Variants in PPP4R3A observed in about 807,000 individuals in gnomAD.
PPP4R3A encodes the protein protein phosphatase 4 regulatory subunit 3A.
In PPP4R3A, 15 loss-of-function variants were observed where a neutral mutation model predicts 91.7. That is an observed-to-expected ratio of 0.16 (90% CI 0.11 to 0.25). PPP4R3A has a LOEUF of 0.25. Ranked by LOEUF, PPP4R3A falls within the 10% of genes least tolerant of loss-of-function variation. PPP4R3A has a pLI of 1.00. For missense variants in PPP4R3A, 623 were observed against 998.4 expected, an observed-to-expected ratio of 0.62 and a Z score of 5.07; for synonymous variants, 377 against 348.7, an observed-to-expected ratio of 1.08 and a Z score of -0.91.
At chr14:91,490,863 T>A in intron 1 of PPP4R3A, 61 bp from the exon 2 acceptor site, 1 of 913,806 alleles carries the variant, frequency 1.1e-6, no homozygotes, top group Non-Finnish European at 1.7e-6. Flanking sequence ...TATATTCCCT[T>A]ACATACACAC....
At chr14:91,462,412 G>A (rs111638456) in intron 12 of PPP4R3A, among the ~76,000 whole-genome samples, 173 bp from the exon 13 acceptor site, 13 of 151,854 alleles carry the variant, frequency 8.6e-5, no homozygotes, top group Admixed American at 3.3e-4. Context: ...ATAATAATTT[G>A]TAACCTTAGT....
At chr14:91,468,218 T>C (rs1403693175) in intron 10 of PPP4R3A, among the ~76,000 whole-genome samples, 2 of 152,194 alleles carry the variant, frequency 1.3e-5, no homozygotes, top group Non-Finnish European at 2.9e-5. Context: ...CATACTTAGT[T>C]TCCAACAATA....
intron 1 of PPP4R3A, among the ~76,000 whole-genome samples, chr14:91,493,935 T>C (rs1890385502): frequency 6.6e-6 from 1 of 150,386 alleles, no homozygotes; most frequent in South Asian, 2.1e-4. Flanking sequence ...TGGCTAATTT[T>C]GTATTTTTAG....
At position 91,488,158 on chromosome 14, in the gene PPP4R3A, T is replaced by C. The variant is rs142014955; in HGVS notation, c.199-2428A>G. On this transcript the variant is annotated intron_variant, in intron 2 of 14. Transcript: ENST00000554943. ...GCACTATGATCACACCTGTGAATAA[T>C]AGCCACTGTACTCCAGCCTGAGCAA... 2.0e-3 allele frequency among the ~76,000 whole-genome samples: 306 copies of C among 150,908 alleles called. 1 individual carries two copies. The highest frequency in any genetic ancestry group is 3.4e-3 in the Middle Eastern group (1 of 294).
At chr14:91,459,251 G>A (rs1335180330) in intron 14 of PPP4R3A, among the ~76,000 whole-genome samples, 1 of 151,856 alleles carries the variant, frequency 6.6e-6, no homozygotes, top group African/African-American at 2.4e-5. Flanking sequence ...GATTACAGGC[G>A]CCCGCCACCA....
At position 91,457,672 on chromosome 14, in the gene PPP4R3A, T is replaced by A. The variant is rs1264363594; in HGVS notation, c.*1087A>T. ...AAGTCAAATGTTTTTAAATCATCCA[T>A]CCTCAATTTTGATTTAATGTACCGT... On this transcript the variant is annotated 3_prime_UTR_variant, in exon 15 of 15. Coordinates refer to ENST00000554943, the MANE Select transcript of PPP4R3A (RefSeq NM_001366432.2). The A allele has an allele frequency of 2.6e-5, 4 of 152,614 alleles. No individual in the cohort carries two copies. Among genetic ancestry groups the A allele is most frequent in the African/African-American group, 4.8e-5 (2 of 41,456 alleles). The allele number at this position is 152,614 out of a possible 1,614,324, so 9.5% of individuals were successfully genotyped here.
At chr14:91,479,838 A>T (rs1889443880) in intron 4 of PPP4R3A, among the ~76,000 whole-genome samples, 1 of 152,204 alleles carries the variant, frequency 6.6e-6, no homozygotes, top group Non-Finnish European at 1.5e-5. Flanking sequence ...TACCGCATCC[A>T]GCCCCAGGCT....
intron 11 of PPP4R3A, among the ~76,000 whole-genome samples, chr14:91,464,264 T>C (rs1888340690): frequency 6.6e-6 from 1 of 151,968 alleles, no homozygotes. Flanking sequence ...GAAGGCGCAG[T>C]GAGTCGAGAT....
chr14:91,476,504 A>C lies in PPP4R3A; in HGVS notation c.1014T>G (p.Phe338Leu). 2.5e-6 allele frequency: 4 copies of C among 1,593,432 alleles called. No homozygotes were observed. The highest frequency in any genetic ancestry group is 3.4e-6 in the Non-Finnish European group (4 of 1,173,946). The change falls in exon 6 of 15, where the codon TTT becomes TTG. Residue 338 changes from phenylalanine to leucine, a missense_variant. By Grantham distance (22) the Phe-to-Leu change is conservative. Transcript: ENST00000554943. ...RQELVNFLKEFCAFSQTLQPQ... is the reference protein window; with the variant it reads ...RQELVNFLKELCAFSQTLQPQ... ...GCTGTAGCGTTTGGGAAAACGCACA[A>C]AATTCTTTTAAAAAGTTAACCTGAA...
At position 91,509,582 on chromosome 14, in the gene PPP4R3A, C is replaced by T. The variant is rs1166439119; in HGVS notation, c.66G>A (p.Arg22=). Residue 22 remains arginine, a synonymous_variant, in exon 1 of 15, where the codon CGG becomes CGA. Coordinates refer to ENST00000554943, the MANE Select transcript of PPP4R3A (RefSeq NM_001366432.2). ...AGCCAGACGACACATGCCCGGTGCC[C>T]CGGTCGTCCCACTGCCGGTCCTCGT... ...TLNEDRQWDD[R]GTGHVSSGYV... is the part of the protein sequence containing the mutation. 1 of 1,602,862 alleles carries T rather than the reference C, an allele frequency of 6.2e-7. No individual in the cohort carries two copies. Among genetic ancestry groups the T allele is most frequent in the African/African-American group, 1.3e-5 (1 of 74,898 alleles).
chr14:91,462,141 T>A lies in PPP4R3A; in HGVS notation c.2072A>T (p.Glu691Val). Residue 691 changes from glutamate (E) to valine (V), a missense_variant, in exon 13 of 15, where the codon GAA becomes GTA. Glu to Val is a moderately radical substitution (Grantham distance 121, BLOSUM62 -2). This residue lies in a region of PPP4R3A where 201 missense variants were observed against 229.9 expected (regional missense o/e 0.87). Transcript: ENST00000554943. ...MWFNTDEDDMEDGEAVVSPSD... is the reference protein window; with the variant it reads ...MWFNTDEDDMVDGEAVVSPSD... ...TGGAGACACTACAGCTTCTCCATCT[T>A]CCATGTCATCTTCATCTGTGTTAAA... is the stretch of plus-strand genomic sequence containing the variant. 6.2e-7 allele frequency: 1 copy of A among 1,608,722 alleles called. No homozygotes were observed. Among genetic ancestry groups the A allele is most frequent in the Non-Finnish European group, 8.5e-7 (1 of 1,178,196 alleles).
intron 3 of PPP4R3A, among the ~76,000 whole-genome samples, chr14:91,485,023 G>A (rs1453324065): frequency 6.6e-6 from 1 of 152,116 alleles, no homozygotes; most frequent in African/African-American, 2.4e-5. Flanking sequence ...CAAGTACAAG[G>A]GTGGGTTTTC....
At chr14:91,491,204 G>C (rs1890216590) in intron 1 of PPP4R3A, among the ~76,000 whole-genome samples, 2 of 151,828 alleles carry the variant, frequency 1.3e-5, no homozygotes, top group Admixed American at 1.3e-4. Context: ...ACTGCGCCTG[G>C]CCTCAAAAAA....
At chr14:91,482,874 A>C (rs1178005773) in intron 3 of PPP4R3A, among the ~76,000 whole-genome samples, 2 of 152,176 alleles carry the variant, frequency 1.3e-5, no homozygotes, top group African/African-American at 4.8e-5. Context: ...ACCTACATAA[A>C]AATGAAGCCA....
intron 7 of PPP4R3A, among the ~76,000 whole-genome samples, chr14:91,474,294 C>T (rs918895622): frequency 3.9e-5 from 6 of 152,130 alleles, no homozygotes; most frequent in African/African-American, 1.4e-4. Context: ...TCCTGAGGTC[C>T]TATTATGACT....
rs751011074 is a variant in PPP4R3A, at chr14:91,476,388, TGAG to T, written c.1110+17_1110+19del. ...GGGATTAAAAAATGGTAATTAAAAA[TGAG>T]GAGACACAAAACTTACAAGGATGAC... On this transcript the variant is annotated intron_variant, in intron 6 of 14. Transcript: ENST00000554943. The T allele has an allele frequency of 2.0e-5, 29 of 1,476,930 alleles. No homozygotes were observed. In the Middle Eastern group the frequency reaches 1.1e-3, roughly 55 times the overall value. The allele number at this position is 1,476,930 out of a possible 1,614,324, so 91.5% of individuals were successfully genotyped here.
chr14:91,499,032 C>A (rs553956383), intron 1 of PPP4R3A, among the ~76,000 whole-genome samples: 1 of 151,984 alleles, frequency 6.6e-6, no homozygotes, highest in Non-Finnish European at 1.5e-5. Context: ...TGATCTGCCC[C>A]CGCCCTGGCC....
intron 4 of PPP4R3A, among the ~76,000 whole-genome samples, chr14:91,479,539 A>T (rs908345998): frequency 2.1e-4 from 30 of 143,908 alleles, no homozygotes; most frequent in Admixed American, 2.0e-3. Context: ...GGCTAATTTA[A>T]AAAAAAAAAA....
chr14:91,507,342 TTATATATACTATATAG>T (rs1401437378), intron 1 of PPP4R3A, among the ~76,000 whole-genome samples: 1 of 112,360 alleles, frequency 8.9e-6, no homozygotes, highest in African/African-American at 4.1e-5. Flanking sequence ...TCTATACATA[TTATATATACTATATAG>T]TATATATACT....
Sources: gnomAD v4.1 joint callset for allele counts (sites outside exome capture counted in the v4.1 genomes callset) on GRCh38, gnomAD v4.1.1 for gene constraint, gnomAD v4.1.1 regional missense constraint, MANE v1.5 for transcripts, NCBI Gene and HGNC (gene_info 2026-07-23, HGNC 2026-07-21) for gene names.